INTS9: variants seen among roughly 807,000 people sequenced by gnomAD.
INTS9 encodes the protein integrator complex subunit 9.
INTS9 carries 55 observed loss-of-function variants against 79.7 expected under a neutral mutation model. The ratio of observed to expected loss-of-function variants is 0.69; its 90% confidence interval spans 0.56 to 0.86. The LOEUF (loss-of-function observed/expected upper bound fraction) is 0.86. INTS9 is among the 40% of genes least tolerant of loss of function. INTS9 has a pLI of 0.00. For synonymous variants in INTS9, 319 were observed against 325.2 expected (o/e 0.98, Z 0.20); for missense variants, 721 against 831.5 (o/e 0.87, Z 1.64).
In INTS9 at chr8:28,863,984, T is replaced by C. The variant is rs551637199; in HGVS notation, c.10-4421A>G. Among the ~76,000 whole-genome samples, 12 of 152,358 alleles carry C rather than the reference T, an allele frequency of 7.9e-5. No homozygotes were observed. In the South Asian group the frequency reaches 2.5e-3, roughly 32 times the overall value. On this transcript the variant is annotated intron_variant, in intron 1 of 16. Coordinates refer to ENST00000521022, the MANE Select transcript of INTS9 (RefSeq NM_018250.4). ...GTAAGATAAACATTATTTATATTTT[T>C]TGAATAAAAATTTTATCAGTTATAC...
intron 1 of INTS9, among the ~76,000 whole-genome samples, chr8:28,887,725 A>T (rs770133838): frequency 6.6e-6 from 1 of 152,208 alleles, no homozygotes; most frequent in Non-Finnish European, 1.5e-5. Context: ...TCTCAATTAC[A>T]TTTATCTATC....
At chr8:28,876,689 T>C (rs753147419) in intron 1 of INTS9, among the ~76,000 whole-genome samples, 3 of 148,190 alleles carry the variant, frequency 2.0e-5, no homozygotes, top group South Asian at 4.3e-4. Context: ...AAATGAAGTG[T>C]AAAAAAAAAA....
In INTS9 at chr8:28,812,400, T is replaced by A; in HGVS notation, c.671A>T (p.Asn224Ile). 6.2e-7 allele frequency: 1 copy of A among 1,614,060 alleles called. No individual in the cohort carries two copies. The highest frequency in any genetic ancestry group is 8.5e-7 in the Non-Finnish European group (1 of 1,179,948). ...LSSGYALGSSNWIIQSHYEKV... is the reference protein window; with the variant it reads ...LSSGYALGSSIWIIQSHYEKV... ...CTCGTAATGAGACTGGATGATCCAG[T>A]TGGAGCTCCCAAGGGCATAGCCAGA... Residue 224 changes from asparagine (N) to isoleucine (I), a missense_variant, in exon 8 of 17, where the codon AAC becomes ATC. Coordinates refer to ENST00000521022, the MANE Select transcript of INTS9 (RefSeq NM_018250.4).
chr8:28,889,762 T>C (rs1810512445), intron 1 of INTS9, 112 bp downstream of exon 1: 6 of 1,224,406 alleles, frequency 4.9e-6, no homozygotes, highest in South Asian at 1.4e-5. Context: ...ACTTTCCAGC[T>C]CAATAATTGC....
In INTS9 at chr8:28,796,991, T is replaced by G. The variant is rs188760185; in HGVS notation, c.745-336A>C. On this transcript the variant is annotated intron_variant, in intron 8 of 16. Coordinates refer to ENST00000521022, the MANE Select transcript of INTS9 (RefSeq NM_018250.4). ...CCATTAAAACAAGGTATCTTGTATTTCTGTAATGCTTTCTTCTTTTCAAAA... is the reference window on the plus strand; with the variant it reads ...CCATTAAAACAAGGTATCTTGTATTGCTGTAATGCTTTCTTCTTTTCAAAA... 191 of 197,750 alleles carry G rather than the reference T, an allele frequency of 9.7e-4. 2 individuals are homozygous for G. The highest frequency in any genetic ancestry group is 9.4e-3 in the Admixed American group (183 of 19,406). The allele number at this position is 197,750 out of a possible 1,614,324, so 12.2% of individuals were successfully genotyped here. A position where few individuals can be genotyped will look rare whatever the true frequency, so the allele number is the denominator to read the frequency against.
intron 13 of INTS9, among the ~76,000 whole-genome samples, chr8:28,776,551 C>T (rs1186367553): frequency 6.6e-6 from 1 of 152,032 alleles, no homozygotes; most frequent in Non-Finnish European, 1.5e-5. Context: ...TGCTGGCAGC[C>T]CACAGGGGCA....
chr8:28,818,424 CT>C (rs1363214013), intron 6 of INTS9, among the ~76,000 whole-genome samples: 2 of 151,242 alleles, frequency 1.3e-5, no homozygotes, highest in Admixed American at 1.3e-4. Flanking sequence ...TGGTTTTTGT[CT>C]TTGGTTCTGT....
At chr8:28,768,857 A>G (rs1418087827) in intron 16 of INTS9, among the ~76,000 whole-genome samples, 1 of 152,252 alleles carries the variant, frequency 6.6e-6, no homozygotes, top group Non-Finnish European at 1.5e-5. Flanking sequence ...CAGCAGGTGA[A>G]GGGCCTCGGT....
rs1226326923 is a variant in INTS9 at position 28,774,658 on chromosome 8, C to T, written c.1563+1101G>A. On this transcript the variant is annotated intron_variant, in intron 14 of 16. Transcript: ENST00000521022. ...CACATTCAGGAGCCAAGACCTCCAA[C>T]CCAAGGTCTGGAGGCCATTTCTGAA... Among the ~76,000 whole-genome samples, 6 of 152,208 alleles carry T rather than the reference C, an allele frequency of 3.9e-5. No homozygotes were observed. The East Asian group carries it at 1.2e-3, about 29-fold the overall frequency.
At chr8:28,788,004 G>A (rs938053555) in intron 10 of INTS9, 115 bp from the exon 11 acceptor site, 19 of 545,378 alleles carry the variant, frequency 3.5e-5, no homozygotes, top group East Asian at 2.7e-4. Context: ...AAAATTTCCC[G>A]CCAGTGAATT....
chr8:28,869,644 A>G lies in INTS9; in HGVS notation c.10-10081T>C, dbSNP rs149011439. On this transcript the variant is annotated intron_variant, in intron 1 of 16. Transcript: ENST00000521022. Reference sequence around the variant, plus strand: ...CCAACAATCAGAGTTCTATAAATACATTTCAGTTTTATTTGGTAATCTTTC... The same window carrying G: ...CCAACAATCAGAGTTCTATAAATACGTTTCAGTTTTATTTGGTAATCTTTC... Among the ~76,000 whole-genome samples the G allele has an allele frequency of 6.5e-3, 985 of 152,230 alleles. 8 individuals are homozygous for G. Among genetic ancestry groups the G allele is most frequent in the African/African-American group, 0.022 (914 of 41,522 alleles).
At chr8:28,826,074 C>T (rs1806123955) in intron 6 of INTS9, among the ~76,000 whole-genome samples, 1 of 152,184 alleles carries the variant, frequency 6.6e-6, no homozygotes, top group Non-Finnish European at 1.5e-5. Flanking sequence ...CAGAAATTTT[C>T]ACTACAGATG....
At position 28,859,562 on chromosome 8, in the gene INTS9, T is replaced by TA. The variant is rs745957493; in HGVS notation, c.10dup (p.Tyr4LeufsTer100). On this transcript the variant is annotated frameshift_variant and splice_region_variant, in exon 2 of 17. Transcript: ENST00000521022. LOFTEE classifies it high-confidence loss of function. Reference sequence around the variant, plus strand: ...TAAGGTTGGGTGCCCTGACAGGCAATACTGAAAAAAATTAAATCACTTTGA... The same window carrying TA: ...TAAGGTTGGGTGCCCTGACAGGCAATAACTGAAAAAAATTAAATCACTTTGA... 1 of 1,614,034 alleles carries TA rather than the reference T, an allele frequency of 6.2e-7. No homozygotes were observed. The highest frequency in any genetic ancestry group is 1.7e-5 in the Admixed American group (1 of 60,016).
chr8:28,851,576 T>A (rs1807839242), intron 2 of INTS9, among the ~76,000 whole-genome samples: 2 of 151,970 alleles, frequency 1.3e-5, no homozygotes, highest in South Asian at 4.2e-4. Flanking sequence ...TAGCTGGGAC[T>A]ACAGGTGCCC....
At chr8:28,789,369 A>C (rs1803793861) in intron 10 of INTS9, among the ~76,000 whole-genome samples, 1 of 152,226 alleles carries the variant, frequency 6.6e-6, no homozygotes, top group Non-Finnish European at 1.5e-5. Flanking sequence ...CAGGCACAGC[A>C]GACAGGGACC....
At chr8:28,805,888 T>G in intron 8 of INTS9, among the ~76,000 whole-genome samples, 1 of 151,580 alleles carries the variant, frequency 6.6e-6, no homozygotes, top group Non-Finnish European at 1.5e-5. Flanking sequence ...ACAATAGTCA[T>G]CACAAGAAAC....
chr8:28,812,266 C>T, intron 8 of INTS9, 61 bp downstream of exon 8: 1 of 1,515,402 alleles, frequency 6.6e-7, no homozygotes, highest in Non-Finnish European at 9.1e-7. Flanking sequence ...TCCTTGGATA[C>T]ATTCTGAATT....
chr8:28,796,484 A>G, intron 9 of INTS9, 60 bp downstream of exon 9: 1 of 935,312 alleles, frequency 1.1e-6, no homozygotes, highest in Non-Finnish European at 1.7e-6. Context: ...TATTATATTT[A>G]TTATTGTAAA....
intron 12 of INTS9, among the ~76,000 whole-genome samples, chr8:28,779,734 T>C (rs1803130413): frequency 6.6e-6 from 1 of 152,196 alleles, no homozygotes; most frequent in Admixed American, 6.5e-5. Context: ...GTGTTCCCCT[T>C]GCTGAAATGA....
Sources: allele counts gnomAD v4.1 joint callset (sites outside exome capture counted in the v4.1 genomes callset), GRCh38; gene constraint gnomAD v4.1.1; transcripts MANE v1.5; gene names NCBI Gene and HGNC (gene_info 2026-07-23, HGNC 2026-07-21).